Variants in DNAAF9 observed in about 807,000 individuals in gnomAD.
The protein encoded by DNAAF9 is shulin.
Under a neutral mutation model 167.0 loss-of-function variants are expected in DNAAF9, and 90 were observed. That is an observed-to-expected ratio of 0.54 (90% confidence interval 0.45 to 0.64). The LOEUF (loss-of-function observed/expected upper bound fraction) is 0.64. Among genes scored for constraint, DNAAF9 ranks in the 30% least tolerant of loss-of-function variants. The probability of loss-of-function intolerance (pLI) is 0.00; values close to 1 mark genes in which losing one functional copy is unlikely to be tolerated. For synonymous variants in DNAAF9, 491 were observed against 508.8 expected, an observed-to-expected ratio of 0.96 and a Z score of 0.47; for missense variants, 1,315 against 1,442.2, an observed-to-expected ratio of 0.91 and a Z score of 1.43.
intron 21 of DNAAF9, among the ~76,000 whole-genome samples, chr20:3,302,159 G>A (rs1255701524): frequency 6.6e-6 from 1 of 151,970 alleles, no homozygotes; most frequent in Non-Finnish European, 1.5e-5. Context: ...GGCTGGTCTT[G>A]AACTCCTGAC....
At chr20:3,401,218 A>G (rs1424849501) in intron 1 of DNAAF9, among the ~76,000 whole-genome samples, 1 of 149,376 alleles carries the variant, frequency 6.7e-6, no homozygotes. Context: ...TTTTTTTTTT[A>G]TTTTTGAGAC....
intron 29 of DNAAF9, among the ~76,000 whole-genome samples, chr20:3,272,661 C>T (rs2122819538): frequency 6.6e-6 from 1 of 152,208 alleles, no homozygotes; most frequent in African/African-American, 2.4e-5. Context: ...AGTATCTCTC[C>T]TCTGCCAATT....
intron 35 of DNAAF9, 107 bp from the exon 36 acceptor site, chr20:3,253,926 A>G (rs2068234886): frequency 1.5e-6 from 1 of 686,750 alleles, no homozygotes; most frequent in Non-Finnish European, 2.6e-6. Flanking sequence ...CTACTCTGCT[A>G]TACAGAGGAG....
In DNAAF9 at chr20:3,278,945, G is replaced by T; in HGVS notation, c.2617C>A (p.Leu873Ile). 1 of 1,597,310 alleles carries T rather than the reference G, an allele frequency of 6.3e-7. No homozygotes were observed. The highest frequency in any genetic ancestry group is 8.6e-7 in the Non-Finnish European group (1 of 1,165,810). ...CACTGGTCAAGACATTTAGGAAAGA[G>T]AAATCTAGGGGGAAAAAAGGGGGAA... is the stretch of plus-strand genomic sequence containing the variant. Reference protein sequence around the residue: ...PMSCYMEHRFLFPKCLDQCSQ... With the variant: ...PMSCYMEHRFIFPKCLDQCSQ... The change falls in exon 29 of 37, where the codon CTC becomes ATC. Residue 873 changes from leucine to isoleucine, a missense_variant. Physicochemically the swap from Leu to Ile is conservative, Grantham distance 5. Coordinates refer to ENST00000252032, the MANE Select transcript of DNAAF9 (RefSeq NM_001009984.3).
chr20:3,281,509 G>T, intron 28 of DNAAF9, 132 bp downstream of exon 28: 1 of 736,528 alleles, frequency 1.4e-6, no homozygotes, highest in Non-Finnish European at 2.1e-6. Flanking sequence ...GGTCTATTGA[G>T]GACCTAGCAC....
chr20:3,320,606 A>G (rs1029110900), intron 16 of DNAAF9, among the ~76,000 whole-genome samples: 1 of 152,214 alleles, frequency 6.6e-6, no homozygotes, highest in Non-Finnish European at 1.5e-5. Flanking sequence ...TGTTTTAATG[A>G]TATCACAAAA....
In DNAAF9 at chr20:3,249,898, G is replaced by A. The variant is rs1568554922; in HGVS notation, c.*2674C>T. On this transcript the variant is annotated 3_prime_UTR_variant, in exon 37 of 37. Transcript: ENST00000252032. ...TAGCCCCCAGGGCTCAGAGGGGCCG[G>A]CTCAACTCCTTGCCAACGGCCCTTC... 2 of 152,110 alleles carry A rather than the reference G, an allele frequency of 1.3e-5. No homozygotes were observed. Among genetic ancestry groups the A allele is most frequent in the Non-Finnish European group, 1.5e-5 (1 of 68,024 alleles). The allele number at this position is 152,110 out of a possible 1,614,324, so 9.4% of individuals were successfully genotyped here. A position where few individuals can be genotyped will look rare whatever the true frequency, so the allele number is the denominator to read the frequency against.
At position 3,340,641 on chromosome 20, in the gene DNAAF9, TAG is replaced by T; in HGVS notation, c.846-4_846-3del. 6.2e-7 allele frequency: 1 copy of T among 1,613,864 alleles called. No individual in the cohort carries two copies. Among genetic ancestry groups the T allele is most frequent in the African/African-American group, 1.3e-5 (1 of 74,984 alleles). On this transcript the variant is annotated splice_region_variant and splice_polypyrimidine_tract_variant and intron_variant, in intron 9 of 36. Coordinates refer to ENST00000252032, the MANE Select transcript of DNAAF9 (RefSeq NM_001009984.3). ...AGAACAAATGGCTGCCGGTTAGGGC[TAG>T]AGAGGGAAGTCAAAAACATGTGATT... is the stretch of plus-strand genomic sequence containing the variant.
chr20:3,324,485 T>C (rs963038344), intron 14 of DNAAF9, among the ~76,000 whole-genome samples: 4 of 151,824 alleles, frequency 2.6e-5, no homozygotes, highest in African/African-American at 9.7e-5. Flanking sequence ...AGGCTCAGGG[T>C]TTCTGTCATT....
intron 1 of DNAAF9, among the ~76,000 whole-genome samples, chr20:3,401,736 A>G (rs1344259447): frequency 2.6e-5 from 4 of 152,246 alleles, no homozygotes; most frequent in African/African-American, 9.6e-5. Context: ...AATTAAAAAT[A>G]GTCCCAGCCC....
chr20:3,272,748 T>C (rs1251076088), intron 29 of DNAAF9, among the ~76,000 whole-genome samples: 1 of 152,240 alleles, frequency 6.6e-6, no homozygotes, highest in Non-Finnish European at 1.5e-5. Flanking sequence ...ACAGGTGTTA[T>C]AATTCTATAC....
intron 11 of DNAAF9, among the ~76,000 whole-genome samples, chr20:3,331,083 G>C (rs1310217668): frequency 6.6e-6 from 1 of 152,052 alleles, no homozygotes; most frequent in Non-Finnish European, 1.5e-5. Flanking sequence ...GAGCCACCAT[G>C]CCCAGCCTAC....
intron 29 of DNAAF9, among the ~76,000 whole-genome samples, chr20:3,277,355 G>A (rs532318963): frequency 1.1e-4 from 17 of 151,972 alleles, no homozygotes; most frequent in South Asian, 4.2e-4. Context: ...CTTCTCTTTC[G>A]GTGTCCTGGA....
chr20:3,323,565 G>A (rs932981394), intron 14 of DNAAF9, among the ~76,000 whole-genome samples: 1 of 152,128 alleles, frequency 6.6e-6, no homozygotes. Flanking sequence ...ACAGGCGTGA[G>A]CCACTGCGCC....
At chr20:3,398,118 A>C (rs1413351996) in intron 1 of DNAAF9, among the ~76,000 whole-genome samples, 2 of 152,228 alleles carry the variant, frequency 1.3e-5, no homozygotes, top group African/African-American at 4.8e-5. Context: ...TAAAGCTAGA[A>C]GAGAAATGGC....
Position 3,407,570 on chromosome 20 carries a change from C to G in DNAAF9, c.-13G>C. 1 of 1,233,624 alleles carries G rather than the reference C, an allele frequency of 8.1e-7. No homozygotes were observed. The highest frequency in any genetic ancestry group is 3.6e-5 in the South Asian group (1 of 27,470). 76.4% of individuals were successfully genotyped at this position (1,233,624 alleles called of 1,614,324 possible). A position where few individuals can be genotyped will look rare whatever the true frequency, so the allele number is the denominator to read the frequency against. On this transcript the variant is annotated 5_prime_UTR_variant, in exon 1 of 37. Coordinates refer to ENST00000252032, the MANE Select transcript of DNAAF9 (RefSeq NM_001009984.3). ...GGTACACGTCCATGGCGGCGGACGACTGGCGGCGGAGGAGGACGGTGCAGC... is the reference window on the plus strand; with the variant it reads ...GGTACACGTCCATGGCGGCGGACGAGTGGCGGCGGAGGAGGACGGTGCAGC...
intron 10 of DNAAF9, 58 bp downstream of exon 10, chr20:3,340,446 C>A: frequency 3.4e-6 from 1 of 296,204 alleles, no homozygotes; most frequent in Non-Finnish European, 5.9e-6. Context: ...CCCCACCCAC[C>A]CCACCCCCAC....
At chr20:3,260,638 C>T (rs1233979580) in intron 31 of DNAAF9, among the ~76,000 whole-genome samples, 2 of 151,154 alleles carry the variant, frequency 1.3e-5, no homozygotes, top group Non-Finnish European at 3.0e-5. Context: ...ATTTCTCTCT[C>T]TTTTTTTTTG....
chr20:3,287,209 T>A (rs578086684), intron 27 of DNAAF9, among the ~76,000 whole-genome samples: 23 of 152,252 alleles, frequency 1.5e-4, no homozygotes, highest in Non-Finnish European at 3.1e-4. Context: ...CAGGAAACTC[T>A]CCTGGGCCAC....
Sources: gnomAD v4.1 joint callset for allele counts (sites outside exome capture counted in the v4.1 genomes callset) on GRCh38, gnomAD v4.1.1 for gene constraint, MANE v1.5 for transcripts, NCBI Gene and HGNC (gene_info 2026-07-23, HGNC 2026-07-21) for gene names.